The following KCNN2 variants were observed in gnomAD, a reference collection of about 807,000 sequenced individuals.
KCNN2 encodes the protein small conductance calcium-activated potassium channel protein 2.
A neutral mutation model predicts 55.5 loss-of-function variants in KCNN2; 24 were observed. That is an observed-to-expected ratio of 0.43 (90% CI 0.31 to 0.61). The LOEUF is 0.61. KCNN2 is among the 20% of genes least tolerant of loss of function. KCNN2 has a pLI of 0.08. For missense variants in KCNN2, 754 were observed against 853.6 expected (o/e 0.88, Z 1.45); for synonymous variants, 431 against 336.1 (o/e 1.28, Z -3.09).
chr5:114,490,756 C>T, intron 6 of KCNN2: 1 of 398,092 alleles, frequency 2.5e-6, no homozygotes, highest in Non-Finnish European at 4.4e-6. Flanking sequence ...TGGCTGCATG[C>T]ACCCAGCAGA....
intron 1 of KCNN2, among the ~76,000 whole-genome samples, chr5:114,111,468 C>A (rs567225029): frequency 1.9e-3 from 288 of 152,048 alleles, no homozygotes; most frequent in Non-Finnish European, 2.9e-3. Context: ...AACAAAAGCC[C>A]AAATTGACAA....
rs1023204931 is a variant in KCNN2 at position 114,150,171 on chromosome 5, A to C, written c.-270-71309A>C. 2.6e-5 allele frequency among the ~76,000 whole-genome samples: 4 copies of C among 152,194 alleles called. No homozygotes were observed. In the South Asian group the frequency reaches 8.3e-4, roughly 31 times the overall value. ...CTGCGTGCAACTTTGTATTTACAAT[A>C]ATCAGGAACATTTCGTCTTGTATTC... is the stretch of plus-strand genomic sequence containing the variant. On this transcript the variant is annotated intron_variant, in intron 1 of 10. Transcript: ENST00000512097.
intron 1 of KCNN2, among the ~76,000 whole-genome samples, chr5:114,121,044 T>C (rs1751821760): frequency 6.6e-6 from 1 of 152,240 alleles, no homozygotes; most frequent in Non-Finnish European, 1.5e-5. Context: ...TCCCCTATGA[T>C]GTCTGGAATG....
intron 2 of KCNN2, among the ~76,000 whole-genome samples, chr5:114,383,792 G>A (rs1758199042): frequency 6.6e-6 from 1 of 152,138 alleles, no homozygotes; most frequent in Admixed American, 6.5e-5. Context: ...AAATGCATGT[G>A]GCACAGGAAC....
upstream of KCNN2, among the ~76,000 whole-genome samples, chr5:114,357,824 G>A (rs1278139749): frequency 2.6e-5 from 4 of 151,720 alleles, no homozygotes; most frequent in East Asian, 7.9e-4. Context: ...CAGTAATGGG[G>A]TGGCTGGGTC....
intron 5 of KCNN2, among the ~76,000 whole-genome samples, chr5:114,478,771 C>A (rs556651954): frequency 6.6e-6 from 1 of 152,108 alleles, no homozygotes; most frequent in Non-Finnish European, 1.5e-5. Context: ...AATTTCCAAC[C>A]TAGAATTTCG....
chr5:114,304,261 GT>G (rs757338218), intron 2 of KCNN2, among the ~76,000 whole-genome samples: 10 of 152,114 alleles, frequency 6.6e-5, no homozygotes, highest in African/African-American at 9.7e-5. Context: ...CTATAAGACA[GT>G]TTTTACGAGG....
chr5:114,078,476 G>T (rs78884456), intron 1 of KCNN2, among the ~76,000 whole-genome samples: 4,148 of 152,234 alleles, frequency 0.027, 89 homozygotes, highest in Non-Finnish European at 0.045. Flanking sequence ...AGAAGGGAAG[G>T]TACCATCCAG....
At chr5:114,364,422 A>G (rs1757541678) in intron 2 of KCNN2, among the ~76,000 whole-genome samples, 1 of 152,144 alleles carries the variant, frequency 6.6e-6, no homozygotes, top group Non-Finnish European at 1.5e-5. Context: ...GTAATTTAGC[A>G]TAGAGAAGAA....
chr5:114,406,382 C>G (rs1445914199), intron 3 of KCNN2, among the ~76,000 whole-genome samples: 1 of 151,068 alleles, frequency 6.6e-6, no homozygotes, highest in African/African-American at 2.4e-5. Context: ...CAACTTCACT[C>G]CTCCCCAAAA....
At chr5:114,475,671 G>A (rs1173941312) in intron 5 of KCNN2, among the ~76,000 whole-genome samples, 2 of 151,970 alleles carry the variant, frequency 1.3e-5, no homozygotes, top group East Asian at 1.9e-4. Flanking sequence ...AAAATCAGAC[G>A]AAATCTCAGA....
intron 1 of KCNN2, among the ~76,000 whole-genome samples, chr5:114,124,437 G>A (rs944865724): frequency 6.6e-6 from 1 of 152,152 alleles, no homozygotes; most frequent in East Asian, 1.9e-4. Flanking sequence ...ATCTTAATAA[G>A]TAGAAACTGC....
At position 114,363,186 on chromosome 5, in the gene KCNN2, C is replaced by T. The variant is rs1255876697; in HGVS notation, c.1047C>T (p.Tyr349=). 1.9e-6 allele frequency: 3 copies of T among 1,613,462 alleles called. No individual in the cohort carries two copies. Among genetic ancestry groups the T allele is most frequent in the Admixed American group, 1.7e-5 (1 of 60,032 alleles). ...LFEKRKRLSD[Y]ALIFGMFGIV... The stretch of plus-strand genomic sequence containing the variant: ...AAAAGCGCAAGCGGCTCAGCGACTA[C>T]GCGCTCATCTTCGGCATGTTCGGCA... Residue 349 remains tyrosine, a synonymous_variant, in exon 1 of 8, where the codon TAC becomes TAT. Coordinates refer to ENST00000673685, the MANE Select transcript of KCNN2 (RefSeq NM_021614.4).
chr5:114,297,581 C>T (rs1756054813), intron 2 of KCNN2, among the ~76,000 whole-genome samples: 1 of 152,040 alleles, frequency 6.6e-6, no homozygotes, highest in African/African-American at 2.4e-5. Context: ...AGTCATACCA[C>T]TAAACTTCAT....
At chr5:114,170,264 A>G (rs1272518282) in intron 1 of KCNN2, among the ~76,000 whole-genome samples, 1 of 152,102 alleles carries the variant, frequency 6.6e-6, no homozygotes, top group African/African-American at 2.4e-5. Context: ...AGCAGGTCCA[A>G]TCATTCATTT....
chr5:114,354,945 A>C (rs540757520), intron 2 of KCNN2, among the ~76,000 whole-genome samples: 2 of 152,188 alleles, frequency 1.3e-5, no homozygotes, highest in African/African-American at 4.8e-5. Context: ...ATCCAGAATT[A>C]AACTCATTTT....
chr5:114,495,904 A>G lies in KCNN2; in HGVS notation c.2098A>G (p.Ile700Val). 1 of 1,613,440 alleles carries G rather than the reference A, an allele frequency of 6.2e-7. No homozygotes were observed. The highest frequency in any genetic ancestry group is 8.5e-7 in the Non-Finnish European group (1 of 1,179,472). The change falls in exon 8 of 8, where the codon ATC becomes GTC. Residue 700 changes from isoleucine to valine, a missense_variant. Ile to Val is a conservative substitution (Grantham distance 29). Transcript: ENST00000673685. ...CAATCCTGTTTTTCAGACCCAGAAC[A>G]TCATGTATGATATGATTTCTGACTT... ...TLVDLAKTQNIMYDMISDLNE... is the reference protein window; with the variant it reads ...TLVDLAKTQNVMYDMISDLNE...
At chr5:114,406,350 G>A (rs182454836) in intron 3 of KCNN2, among the ~76,000 whole-genome samples, 107 of 146,486 alleles carry the variant, frequency 7.3e-4, no homozygotes, top group African/African-American at 2.1e-3. Flanking sequence ...TTTTTTCCCC[G>A]TATATAAACA....
intron 5 of KCNN2, among the ~76,000 whole-genome samples, chr5:114,475,075 A>AAAGACAAAGAGTTAG (rs1761908265): frequency 6.6e-6 from 1 of 151,938 alleles, no homozygotes; most frequent in Non-Finnish European, 1.5e-5. Context: ...AAGAGTTAGA[A>AAAGACAAAGAGTTAG]AAGACAAAGA....
Sources: allele counts gnomAD v4.1 joint callset (sites outside exome capture counted in the v4.1 genomes callset), GRCh38; gene constraint gnomAD v4.1.1; transcripts MANE v1.5; gene names NCBI Gene and HGNC (gene_info 2026-07-23, HGNC 2026-07-21).